TMEM232: variants seen among roughly 807,000 people sequenced by gnomAD.
TMEM232 encodes the protein transmembrane protein 232.
Under a neutral mutation model 78.8 loss-of-function variants are expected in TMEM232, and 80 were observed. The ratio of observed to expected loss-of-function variants is 1.01; its 90% CI spans 0.85 to 1.22. The LOEUF is 1.22. Ranked by LOEUF, TMEM232 falls within the 50% of genes most tolerant of loss-of-function variation. TMEM232 has a pLI of 0.00. For synonymous variants in TMEM232, 297 were observed against 254.3 expected, an observed-to-expected ratio of 1.17 and a Z score of -1.60; for missense variants, 881 against 742.2, an observed-to-expected ratio of 1.19 and a Z score of -2.17.
intron 1 of TMEM232, among the ~76,000 whole-genome samples, chr5:110,682,914 T>A (rs1792932636): frequency 6.6e-6 from 1 of 152,154 alleles, no homozygotes; most frequent in Non-Finnish European, 1.5e-5. Flanking sequence ...CTCAGACTTC[T>A]GTGTGGTATG....
chr5:110,665,519 T>C lies in TMEM232; in HGVS notation c.125+1709A>G, dbSNP rs76004743. On this transcript the variant is annotated intron_variant, in intron 2 of 13. Coordinates refer to ENST00000455884, the MANE Select transcript of TMEM232 (RefSeq NM_001039763.4). ...AGGGGAAGCAAGGCACCTCTTAACA[T>C]GGTGGCAGGAGAGAGTGAGAAGGGG... 3.9e-5 allele frequency among the ~76,000 whole-genome samples: 6 copies of C among 152,160 alleles called. No individual in the cohort carries two copies. In the East Asian group the frequency reaches 1.2e-3, roughly 29 times the overall value.
rs974837773 is a variant in TMEM232, at chr5:110,419,900, T to C, written c.*680A>G. 1.3e-5 allele frequency among the ~76,000 whole-genome samples: 2 copies of C among 152,150 alleles called. No homozygotes were observed. The highest frequency in any genetic ancestry group is 2.9e-5 in the Non-Finnish European group (2 of 67,992). On this transcript the variant is annotated 3_prime_UTR_variant, in exon 14 of 14. Coordinates refer to ENST00000455884, the MANE Select transcript of TMEM232 (RefSeq NM_001039763.4). ...AATAACTCCTATTTCTATGAATGTC[T>C]TCAGCAGTTGCTCCTGGACCTTCCA...
Position 110,486,828 on chromosome 5 carries a change from AT to A in TMEM232, c.1703+41759del, listed in dbSNP as rs912880479. 4.9e-3 allele frequency among the ~76,000 whole-genome samples: 727 copies of A among 149,460 alleles called. 2 individuals are homozygous for A. Among genetic ancestry groups the A allele is most frequent in the African/African-American group, 0.017 (678 of 40,742 alleles). On this transcript the variant is annotated intron_variant, in intron 12 of 13. Transcript: ENST00000455884. ...TTTTTGGTTCCATATGAATTTTAGA[AT>A]TTTTTTTTTCTAATTCTGTTTAGAA...
chr5:110,444,607 G>T (rs1485535114), intron 12 of TMEM232, among the ~76,000 whole-genome samples: 1 of 152,160 alleles, frequency 6.6e-6, no homozygotes, highest in South Asian at 2.1e-4. Context: ...AACAGTGTAG[G>T]CTTCTATTCT....
At chr5:110,694,932 C>T (rs866891446) in intron 1 of TMEM232, among the ~76,000 whole-genome samples, 1 of 152,172 alleles carries the variant, frequency 6.6e-6, no homozygotes, top group Non-Finnish European at 1.5e-5. Context: ...GAATTGAACA[C>T]AGCTCTGCAC....
rs1004172897 is a variant in TMEM232 at position 110,629,800 on chromosome 5, A to T, written c.502-1920T>A. Among the ~76,000 whole-genome samples, 7 of 152,306 alleles carry T rather than the reference A, an allele frequency of 4.6e-5. No individual in the cohort carries two copies. The East Asian group carries it at 1.2e-3, about 25-fold the overall frequency. ...TATGTTTCTATCTAATACATATAAAACTGTTGCTGCTTATATGTTATTCTC... is the reference window on the plus strand; with the variant it reads ...TATGTTTCTATCTAATACATATAAATCTGTTGCTGCTTATATGTTATTCTC... On this transcript the variant is annotated intron_variant, in intron 5 of 13. Coordinates refer to ENST00000455884, the MANE Select transcript of TMEM232 (RefSeq NM_001039763.4).
intron 2 of TMEM232, among the ~76,000 whole-genome samples, chr5:110,400,565 T>TTCAGTGTC (rs1398264237): frequency 6.6e-6 from 1 of 152,066 alleles, no homozygotes; most frequent in Non-Finnish European, 1.5e-5. Context: ...ATTACACTGC[T>TTCAGTGTC]TCAGTGTCTC....
chr5:110,638,431 T>A, intron 4 of TMEM232, 76 bp from the exon 5 acceptor site: 1 of 1,373,012 alleles, frequency 7.3e-7, no homozygotes, highest in South Asian at 1.5e-5. Context: ...TTACTTTTTG[T>A]AATTATTTCC....
At chr5:110,694,044 C>T (rs1318761414) in intron 1 of TMEM232, among the ~76,000 whole-genome samples, 1 of 152,026 alleles carries the variant, frequency 6.6e-6, no homozygotes. Flanking sequence ...ATGTTAAGCG[C>T]AACCACAGAG....
intron 10 of TMEM232, among the ~76,000 whole-genome samples, chr5:110,600,950 T>TGATC (rs1374837453): frequency 6.6e-6 from 1 of 152,198 alleles, no homozygotes; most frequent in East Asian, 1.9e-4. Flanking sequence ...CATAAAAAGC[T>TGATC]GATCCACCAC....
intron 2 of TMEM232, among the ~76,000 whole-genome samples, chr5:110,656,308 T>G (rs181644557): frequency 6.6e-5 from 10 of 152,328 alleles, no homozygotes; most frequent in Admixed American, 5.2e-4. Flanking sequence ...AAGCTGGCCA[T>G]TTTATCTCCA....
exon 5 of TMEM232, chr5:110,387,834 T>C (rs1755043696): frequency 6.6e-6 from 1 of 152,172 alleles, no homozygotes; most frequent in African/African-American, 2.4e-5. Flanking sequence ...TTTGTCCAAC[T>C]TCTCCTTGGC....
intron 8 of TMEM232, among the ~76,000 whole-genome samples, chr5:110,610,244 AAGGG>A (rs1242082070): frequency 1.4e-5 from 2 of 138,730 alleles, no homozygotes; most frequent in African/African-American, 5.6e-5. Flanking sequence ...GAAAGGAAGG[AAGGG>A]AGGAAGGGAG....
intron 12 of TMEM232, among the ~76,000 whole-genome samples, chr5:110,433,868 G>T (rs1311304482): frequency 6.6e-6 from 1 of 151,976 alleles, no homozygotes; most frequent in East Asian, 1.9e-4. Flanking sequence ...ATGTGCTGCG[G>T]GATTTGGTTT....
intron 1 of TMEM232, among the ~76,000 whole-genome samples, chr5:110,694,153 C>T (rs1185924163): frequency 1.3e-5 from 2 of 152,136 alleles, no homozygotes; most frequent in Non-Finnish European, 2.9e-5. Flanking sequence ...CAATATTCAA[C>T]ATTCTTAAAG....
At chr5:110,682,491 C>CTAAAG (rs1197767837) in intron 1 of TMEM232, among the ~76,000 whole-genome samples, 2 of 151,984 alleles carry the variant, frequency 1.3e-5, no homozygotes, top group African/African-American at 4.8e-5. Flanking sequence ...GGAAGATGGT[C>CTAAAG]TAAAGTAGCT....
intron 12 of TMEM232, among the ~76,000 whole-genome samples, chr5:110,509,617 T>C (rs1029544588): frequency 1.3e-5 from 2 of 152,194 alleles, no homozygotes; most frequent in African/African-American, 4.8e-5. Flanking sequence ...TACATAAATA[T>C]ACATTATATA....
At chr5:110,469,953 A>G (rs1762492111) in intron 12 of TMEM232, among the ~76,000 whole-genome samples, 1 of 152,088 alleles carries the variant, frequency 6.6e-6, no homozygotes, top group African/African-American at 2.4e-5. Flanking sequence ...CAAAGAGTGG[A>G]GTCATTACTG....
At chr5:110,418,301 G>A (rs1027658661), downstream of TMEM232, 1 of 152,114 alleles carries the variant, frequency 6.6e-6, no homozygotes, top group South Asian at 2.1e-4. Context: ...TTTTATAAAT[G>A]AGTAAATGGA....
Sources: gnomAD v4.1 joint callset for allele counts (sites outside exome capture counted in the v4.1 genomes callset) on GRCh38, gnomAD v4.1.1 for gene constraint, MANE v1.5 for transcripts, NCBI Gene and HGNC (gene_info 2026-07-23, HGNC 2026-07-21) for gene names.